The following NRG1 variants were observed in gnomAD, a reference collection of about 807,000 sequenced individuals.
NRG1 encodes the protein neuregulin 1, also known as pro-neuregulin-1, membrane-bound isoform.
In NRG1, 18 loss-of-function variants were observed where a neutral mutation model predicts 63.8. That is an observed-to-expected ratio of 0.28 (90% CI 0.19 to 0.42). The LOEUF is 0.42. Among genes scored for constraint, NRG1 ranks in the 10% least tolerant of loss-of-function variants. The probability of loss-of-function intolerance (pLI) is 1.00; values close to 1 mark genes in which losing one functional copy is unlikely to be tolerated. For synonymous variants in NRG1, 302 were observed against 301.3 expected (o/e 1.00, Z -0.02); for missense variants, 762 against 814.7 (o/e 0.94, Z 0.79).
intron 1 of NRG1, among the ~76,000 whole-genome samples, chr8:31,948,710 A>G (rs763754542): frequency 2.6e-5 from 4 of 152,070 alleles, no homozygotes; most frequent in Non-Finnish European, 5.9e-5. Context: ...CTGATTAGGA[A>G]CTCTTGTGAG....
intron 1 of NRG1, among the ~76,000 whole-genome samples, chr8:32,314,319 C>T (rs1298129406): frequency 6.6e-6 from 1 of 152,194 alleles, no homozygotes; most frequent in Non-Finnish European, 1.5e-5. Flanking sequence ...CTTGCAGTTC[C>T]CTTACCACTA....
chr8:31,827,528 T>C (rs995334262), intron 1 of NRG1, among the ~76,000 whole-genome samples: 4 of 152,186 alleles, frequency 2.6e-5, no homozygotes, highest in African/African-American at 4.8e-5. Flanking sequence ...CACAACAGCA[T>C]GGTTAAAATT....
intron 1 of NRG1, among the ~76,000 whole-genome samples, chr8:31,828,567 G>A (rs550199850): frequency 3.3e-5 from 5 of 152,192 alleles, no homozygotes; most frequent in South Asian, 2.1e-4. Flanking sequence ...AACACCACCC[G>A]CGCTCTGTCC....
At chr8:31,796,265 C>A (rs1563411897) in intron 1 of NRG1, among the ~76,000 whole-genome samples, 1 of 149,856 alleles carries the variant, frequency 6.7e-6, no homozygotes, top group Non-Finnish European at 1.5e-5. Context: ...GCTCAGTGAT[C>A]TTTTTATTCT....
At chr8:32,269,269 T>C (rs1851302642) in intron 1 of NRG1, among the ~76,000 whole-genome samples, 1 of 152,130 alleles carries the variant, frequency 6.6e-6, no homozygotes, top group Non-Finnish European at 1.5e-5. Context: ...GGAAATAAAG[T>C]GAAGGAGGGT....
intron 1 of NRG1, among the ~76,000 whole-genome samples, chr8:32,365,784 C>T (rs963006890): frequency 7.2e-5 from 11 of 152,102 alleles, no homozygotes; most frequent in Non-Finnish European, 1.5e-4. Context: ...GGATTTGACC[C>T]TCAGATTGTA....
chr8:31,820,589 T>C (rs1823910106), intron 1 of NRG1, among the ~76,000 whole-genome samples: 1 of 152,188 alleles, frequency 6.6e-6, no homozygotes, highest in African/African-American at 2.4e-5. Context: ...TGTCTCTCAA[T>C]CAATAGTACC....
chr8:32,352,387 C>T (rs76961555), intron 1 of NRG1, among the ~76,000 whole-genome samples: 10,840 of 150,112 alleles, frequency 0.072, 488 homozygotes, highest in Middle Eastern at 0.14. Context: ...GAATGTTAGA[C>T]GGGATTATCT....
At chr8:32,254,669 G>C (rs1221951262) in intron 1 of NRG1, among the ~76,000 whole-genome samples, 1 of 152,170 alleles carries the variant, frequency 6.6e-6, no homozygotes, top group Non-Finnish European at 1.5e-5. Context: ...GGGGTGTAGA[G>C]TTCTGTAGAT....
At chr8:31,821,361 AG>A (rs1420811947) in intron 1 of NRG1, among the ~76,000 whole-genome samples, 1 of 152,196 alleles carries the variant, frequency 6.6e-6, no homozygotes, top group Non-Finnish European at 1.5e-5. Context: ...TTGAATGCTA[AG>A]GCCAATTCTT....
At position 32,742,606 on chromosome 8, in the gene NRG1, T is replaced by C; in HGVS notation, c.633-69T>C. 6.9e-7 allele frequency: 1 copy of C among 1,442,290 alleles called. No homozygotes were observed. The highest frequency in any genetic ancestry group is 1.7e-5 in the Admixed American group (1 of 58,986). 89.3% of individuals were successfully genotyped at this position (1,442,290 alleles called of 1,614,324 possible). A position where few individuals can be genotyped will look rare whatever the true frequency, so the allele number is the denominator to read the frequency against. On this transcript the variant is annotated intron_variant, in intron 6 of 11. Transcript: ENST00000356819. The surrounding 1 kb of genome is among the most constrained non-coding windows in gnomAD (Gnocchi z 4.2). ...TCAAATGACACTGAAGGAGCTTCTT[T>C]CTAGCATATATTCACCTCTTCTCTT...
chr8:32,725,906 A>C (rs1424651957), intron 5 of NRG1, among the ~76,000 whole-genome samples: 1 of 152,056 alleles, frequency 6.6e-6, no homozygotes, highest in Non-Finnish European at 1.5e-5. Context: ...AATGTTGTAT[A>C]CTCCATGATT....
At chr8:31,964,473 C>T (rs1805990564) in intron 1 of NRG1, among the ~76,000 whole-genome samples, 1 of 152,090 alleles carries the variant, frequency 6.6e-6, no homozygotes, top group South Asian at 2.1e-4. Flanking sequence ...AGTTCTAGAC[C>T]AGCCTGGTGA....
intron 1 of NRG1, among the ~76,000 whole-genome samples, chr8:32,061,037 C>G (rs549896480): frequency 6.6e-6 from 1 of 151,722 alleles, no homozygotes; most frequent in Non-Finnish European, 1.5e-5. Context: ...CTTTTGTGTT[C>G]TGCTAAACTA....
intron 1 of NRG1, among the ~76,000 whole-genome samples, chr8:32,300,113 C>T (rs184095917): frequency 3.3e-5 from 5 of 152,136 alleles, no homozygotes; most frequent in Admixed American, 3.3e-4. Context: ...CCTTCTCTAC[C>T]ATCAGATTTC....
rs144313802 is a variant in NRG1 at position 32,680,946 on chromosome 8, A to G, written c.503-47003A>G. On this transcript the variant is annotated intron_variant, in intron 5 of 11. Transcript: ENST00000356819. ...CCATCCTGTTTTACTGATGAGAAAC[A>G]AGTATCTAAGATGTTCTGTAACAAG... Among the ~76,000 whole-genome samples the G allele has an allele frequency of 1.6e-4, 24 of 151,926 alleles. 1 individual carries two copies. The highest frequency in any genetic ancestry group is 5.8e-4 in the African/African-American group (24 of 41,314).
intron 5 of NRG1, among the ~76,000 whole-genome samples, chr8:32,628,861 C>A (rs1849764014): frequency 1.3e-5 from 2 of 151,666 alleles, no homozygotes; most frequent in Admixed American, 1.3e-4. Context: ...GTCTCCTGAG[C>A]AGCTGGGATT....
chr8:32,609,859 C>G (rs1028687124), intron 3 of NRG1, among the ~76,000 whole-genome samples: 4 of 151,464 alleles, frequency 2.6e-5, no homozygotes, highest in Admixed American at 6.6e-5. Flanking sequence ...TTCTTGTAGA[C>G]AAGGTTTCGC....
At chr8:32,589,818 G>A (rs1335032435) in intron 1 of NRG1, among the ~76,000 whole-genome samples, 2 of 152,220 alleles carry the variant, frequency 1.3e-5, no homozygotes, top group Non-Finnish European at 2.9e-5. Flanking sequence ...TTGCTTAGAT[G>A]AATGAGGTTG....
Sources: gnomAD v4.1 joint callset for allele counts (sites outside exome capture counted in the v4.1 genomes callset) on GRCh38, gnomAD v4.1.1 for gene constraint, Gnocchi (gnomAD v3.1) non-coding constraint, MANE v1.5 for transcripts, NCBI Gene and HGNC (gene_info 2026-07-23, HGNC 2026-07-21) for gene names.